The following SLC8A3 variants were observed in gnomAD, a reference collection of about 807,000 sequenced individuals.
SLC8A3 encodes solute carrier family 8 member A3.
SLC8A3 carries 37 observed loss-of-function variants against 65.4 expected under a neutral mutation model. The observed-to-expected ratio is 0.57, with a 90% CI of 0.44 to 0.74. The LOEUF (loss-of-function observed/expected upper bound fraction) is 0.74. Ranked by LOEUF, SLC8A3 falls within the 30% of genes least tolerant of loss-of-function variation. SLC8A3 has a pLI of 0.00. For missense variants in SLC8A3, 1,112 were observed against 1,172.1 expected (o/e 0.95, Z 0.75); for synonymous variants, 461 against 444.5 (o/e 1.04, Z -0.47).
intron 3 of SLC8A3, among the ~76,000 whole-genome samples, chr14:70,054,021 G>C (rs1435966372): frequency 6.6e-6 from 1 of 152,156 alleles, no homozygotes; most frequent in Non-Finnish European, 1.5e-5. Flanking sequence ...AGAATTTCAA[G>C]TAAAGAGAAT....
chr14:70,091,849 T>C (rs1208467813), intron 2 of SLC8A3, among the ~76,000 whole-genome samples: 3 of 152,168 alleles, frequency 2.0e-5, no homozygotes, highest in Non-Finnish European at 4.4e-5. Flanking sequence ...ATCCTCACAA[T>C]TGCATTTATT....
intron 2 of SLC8A3, among the ~76,000 whole-genome samples, chr14:70,152,731 T>C (rs1896350263): frequency 6.6e-6 from 1 of 152,206 alleles, no homozygotes; most frequent in South Asian, 2.1e-4. Flanking sequence ...CAGTGAGGAC[T>C]CATTTCAGAG....
chr14:70,174,669 T>G lies in SLC8A3; in HGVS notation c.-62-6185A>C, dbSNP rs1343845031. ...CAAATCCGTTTTTTTTTTGTTTTTT[T>G]TTTTTTTTTTTTTTTTTTTTTGCCT... On this transcript the variant is annotated intron_variant, in intron 1 of 6. Coordinates refer to ENST00000356921, the MANE Select transcript of SLC8A3 (RefSeq NM_182932.3). Among the ~76,000 whole-genome samples the G allele has an allele frequency of 3.9e-4, 44 of 111,470 alleles. 2 individuals carry two copies. The highest frequency in any genetic ancestry group is 4.5e-3 in the Middle Eastern group (1 of 222). The allele number at this position is 111,470 out of a possible 152,430, so 73.1% of individuals were successfully genotyped here.
chr14:70,155,394 A>G (rs1278549129), intron 2 of SLC8A3, among the ~76,000 whole-genome samples: 1 of 152,180 alleles, frequency 6.6e-6, no homozygotes, highest in Admixed American at 6.5e-5. Flanking sequence ...CCTCCTTCGC[A>G]TCCTCTAATA....
At chr14:70,089,850 A>G (rs569363973) in intron 2 of SLC8A3, among the ~76,000 whole-genome samples, 1 of 151,900 alleles carries the variant, frequency 6.6e-6, no homozygotes, top group South Asian at 2.1e-4. Context: ...ATTGATTCAT[A>G]CATTTCTATT....
At chr14:70,063,501 G>A (rs547168040) in intron 2 of SLC8A3, among the ~76,000 whole-genome samples, 29 of 152,240 alleles carry the variant, frequency 1.9e-4, no homozygotes, top group African/African-American at 3.9e-4. Context: ...GCCAAGAGCC[G>A]CACATGATAC....
chr14:70,168,980 T>A (rs1897331747), intron 1 of SLC8A3, among the ~76,000 whole-genome samples: 1 of 152,212 alleles, frequency 6.6e-6, no homozygotes, highest in Admixed American at 6.5e-5. Flanking sequence ...CTCTGTTTAA[T>A]GTATACATAT....
chr14:70,174,050 G>C (rs1897715837), intron 1 of SLC8A3, among the ~76,000 whole-genome samples: 1 of 152,226 alleles, frequency 6.6e-6, no homozygotes, highest in South Asian at 2.1e-4. Flanking sequence ...AACTCATAGA[G>C]GTTAGGGAAT....
At chr14:70,094,018 C>T (rs377062163) in intron 2 of SLC8A3, among the ~76,000 whole-genome samples, 6 of 152,308 alleles carry the variant, frequency 3.9e-5, no homozygotes, top group East Asian at 1.9e-4. Flanking sequence ...GACTGCTAGC[C>T]GGACATGTGG....
At chr14:70,102,780 A>G (rs535121251) in intron 2 of SLC8A3, among the ~76,000 whole-genome samples, 132 of 152,266 alleles carry the variant, frequency 8.7e-4, no homozygotes, top group Middle Eastern at 3.4e-3. Flanking sequence ...AGAGAAAAAA[A>G]TTGAAAAATG....
intron 2 of SLC8A3, among the ~76,000 whole-genome samples, chr14:70,153,511 AG>A (rs1896398141): frequency 6.6e-6 from 1 of 152,108 alleles, no homozygotes; most frequent in Non-Finnish European, 1.5e-5. Context: ...AAAAACAAGA[AG>A]GGGGTGTTGC....
In SLC8A3 at chr14:70,167,549, T is replaced by C. The variant is rs1182270513; in HGVS notation, c.874A>G (p.Met292Val). ...TTCCCATCTAGAAAATGGGAATTCA[T>C]CATTTTCCCATCCATCTCAATGCCC... ...PKGIEMDGKM[M>V]NSHFLDGNLV... The change falls in exon 2 of 7, where the codon ATG (methionine) becomes GTG (valine). Residue 292 changes from methionine (M) to valine (V), a missense_variant. Physicochemically the swap from Met to Val is conservative, Grantham distance 21. Coordinates refer to ENST00000356921, the MANE Select transcript of SLC8A3 (RefSeq NM_182932.3). 3 of 1,613,902 alleles carry C rather than the reference T, an allele frequency of 1.9e-6. No individual in the cohort carries two copies. The East Asian group carries it at 6.7e-5, about 36-fold the overall frequency.
intron 6 of SLC8A3, chr14:70,047,904 T>A (rs1886975390): frequency 6.6e-6 from 1 of 152,256 alleles, no homozygotes; most frequent in South Asian, 2.1e-4. Flanking sequence ...ATGCAGTACC[T>A]TTTCTTTTTC....
chr14:70,163,051 C>G (rs1896974058), intron 2 of SLC8A3, among the ~76,000 whole-genome samples: 1 of 152,196 alleles, frequency 6.6e-6, no homozygotes. Context: ...TCCTTGAGCG[C>G]TGAAATGTCA....
chr14:70,187,639 G>GTGTGTT (rs775352761), intron 1 of SLC8A3, among the ~76,000 whole-genome samples: 2,189 of 128,100 alleles, frequency 0.017, 65 homozygotes, highest in East Asian at 0.037. Context: ...GTGTGTGTGT[G>GTGTGTT]TCCGCGCGCG....
chr14:70,186,423 G>A (rs1883223150), intron 1 of SLC8A3, among the ~76,000 whole-genome samples: 1 of 152,192 alleles, frequency 6.6e-6, no homozygotes, highest in Admixed American at 6.5e-5. Flanking sequence ...AGGCTTCCTT[G>A]AGGAAGTAAC....
chr14:70,140,700 C>T (rs1300612065), intron 2 of SLC8A3, among the ~76,000 whole-genome samples: 3 of 152,182 alleles, frequency 2.0e-5, no homozygotes, highest in South Asian at 2.1e-4. Flanking sequence ...TGTAGGTGTA[C>T]ATTAATGACT....
chr14:70,164,604 C>T (rs1281235200), intron 2 of SLC8A3, among the ~76,000 whole-genome samples: 2 of 152,028 alleles, frequency 1.3e-5, no homozygotes, highest in Non-Finnish European at 2.9e-5. Context: ...TATTCAGAGA[C>T]CCTAGGTGCA....
intron 1 of SLC8A3, among the ~76,000 whole-genome samples, chr14:70,174,680 T>TTTTTTTTTTTTTC (rs1897785100): frequency 7.7e-6 from 1 of 129,738 alleles, no homozygotes; most frequent in African/African-American, 2.7e-5. Context: ...TTTTTTTTTT[T>TTTTTTTTTTTTTC]TTTTTTTTTT....
Sources: gnomAD v4.1 joint callset for allele counts (sites outside exome capture counted in the v4.1 genomes callset) on GRCh38, gnomAD v4.1.1 for gene constraint, MANE v1.5 for transcripts, NCBI Gene and HGNC (gene_info 2026-07-23, HGNC 2026-07-21) for gene names.